Variants in THOC5 observed in about 807,000 individuals in gnomAD.
THOC5 encodes the protein THO complex subunit 5, also known as Fms-interacting protein.
THOC5 carries 43 observed loss-of-function variants against 92.9 expected under a neutral mutation model. That is an observed-to-expected ratio of 0.46 (90% CI 0.36 to 0.60). The LOEUF (loss-of-function observed/expected upper bound fraction) is 0.60. Among genes scored for constraint, THOC5 ranks in the 20% least tolerant of loss-of-function variants. The pLI, the probability that THOC5 is intolerant of heterozygous loss-of-function variation, is 0.00. For synonymous variants in THOC5, 296 were observed against 320.1 expected (o/e 0.92, Z 0.80); for missense variants, 659 against 849.4 (o/e 0.78, Z 2.79).
At chr22:29,526,100 C>G (rs147314691) in intron 11 of THOC5, among the ~76,000 whole-genome samples, 154 bp from the exon 12 acceptor site, 78 of 152,088 alleles carry the variant, frequency 5.1e-4, no homozygotes, top group African/African-American at 1.8e-3. Flanking sequence ...CATTCATACC[C>G]CAAACCTCAG....
At chr22:29,550,803 C>T (rs2064126938) in intron 1 of THOC5, 1 of 152,200 alleles carries the variant, frequency 6.6e-6, no homozygotes, top group South Asian at 2.1e-4. Flanking sequence ...GGGACTGTGG[C>T]TTCAGATGAT....
intron 17 of THOC5, chr22:29,514,124 T>C (rs1014332715): frequency 9.2e-5 from 14 of 152,062 alleles, no homozygotes; most frequent in African/African-American, 2.9e-4. Context: ...CTAATTTTTG[T>C]ATTTTTAGTA....
intron 17 of THOC5, among the ~76,000 whole-genome samples, chr22:29,515,636 G>A (rs1032227376): frequency 4.7e-5 from 7 of 150,072 alleles, no homozygotes; most frequent in Non-Finnish European, 8.9e-5. Flanking sequence ...AGACTGGCCT[G>A]GGCAACAAAG....
At chr22:29,545,219 C>T (rs568853408) in intron 2 of THOC5, 5 of 211,454 alleles carry the variant, frequency 2.4e-5, no homozygotes, top group South Asian at 1.0e-4. Context: ...GAGAATAGCA[C>T]GGGAAAGACT....
intron 11 of THOC5, among the ~76,000 whole-genome samples, chr22:29,526,266 C>T (rs955782325): frequency 2.0e-5 from 3 of 152,318 alleles, no homozygotes; most frequent in African/African-American, 4.8e-5. Flanking sequence ...GGCGCGGTGG[C>T]TCACACCTGT....
chr22:29,546,934 G>A (rs531762052), intron 2 of THOC5, among the ~76,000 whole-genome samples: 34 of 151,248 alleles, frequency 2.2e-4, no homozygotes, highest in Non-Finnish European at 4.3e-4. Flanking sequence ...TCTGCCTCCC[G>A]GGTTCAAGCG....
At chr22:29,548,947 A>T in intron 2 of THOC5, 105 bp downstream of exon 2, 1 of 1,028,860 alleles carries the variant, frequency 9.7e-7, no homozygotes, top group South Asian at 1.6e-5. Flanking sequence ...GCCACCAAAA[A>T]GTTGTACCTG....
At chr22:29,531,082 T>C in intron 8 of THOC5, 1 of 1,147,890 alleles carries the variant, frequency 8.7e-7, no homozygotes, top group South Asian at 1.9e-5. Flanking sequence ...ACTCACCCTG[T>C]CTAGGGGGCT....
rs1395169660 is a variant in THOC5 at position 29,506,450 on chromosome 22, AT to A, written c.*2006del. Reference sequence around the variant, plus strand: ...CACTTTGGGAGGCCGAGGTGGGAGGATCATTTGAGCCCAGGAGTTTGAGACC... The same window carrying A: ...CACTTTGGGAGGCCGAGGTGGGAGGACATTTGAGCCCAGGAGTTTGAGACC... On this transcript the variant is annotated 3_prime_UTR_variant, in exon 20 of 20. Transcript: ENST00000490103. The A allele has an allele frequency of 6.6e-6, 1 of 152,104 alleles. No individual in the cohort carries two copies. Among genetic ancestry groups the A allele is most frequent in the Non-Finnish European group, 1.5e-5 (1 of 68,038 alleles). The allele number at this position is 152,104 out of a possible 1,614,324, so 9.4% of individuals were successfully genotyped here.
chr22:29,519,317 C>T (rs1042968624), intron 14 of THOC5, among the ~76,000 whole-genome samples, 197 bp from the exon 15 acceptor site: 4 of 152,198 alleles, frequency 2.6e-5, no homozygotes, highest in East Asian at 1.9e-4. Context: ...CAATATGCTG[C>T]GTTCTTGAGA....
intron 8 of THOC5, among the ~76,000 whole-genome samples, chr22:29,529,450 T>C (rs903172193): frequency 6.6e-5 from 10 of 152,176 alleles, no homozygotes; most frequent in African/African-American, 1.9e-4. Context: ...ACAGAGAACT[T>C]AAGTACAAAT....
intron 8 of THOC5, chr22:29,531,452 G>A (rs2063653264): frequency 2.9e-6 from 3 of 1,018,442 alleles, no homozygotes; most frequent in South Asian, 8.5e-5. Flanking sequence ...TGGGAGAGCT[G>A]GCTGAGACCT....
chr22:29,539,675 T>C (rs191916546), intron 5 of THOC5, among the ~76,000 whole-genome samples, 199 bp from the exon 6 acceptor site: 2 of 152,338 alleles, frequency 1.3e-5, no homozygotes, highest in South Asian at 2.1e-4. Flanking sequence ...AGGATCCTTA[T>C]CCATGCTGTC....
rs374224776 is a variant in THOC5 at position 29,528,354 on chromosome 22, C to T, written c.966+72G>A. ...ACACCTCTTCTGCTTCTAGGGAGGA[C>T]GGCACCTGCGAACAAGCATGCCCCA... On this transcript the variant is annotated intron_variant, in intron 10 of 19. Transcript: ENST00000490103. The T allele has an allele frequency of 1.9e-3, 3,083 of 1,614,060 alleles. 1 individual carries two copies. The highest frequency in any genetic ancestry group is 2.8e-3 in the African/African-American group (212 of 75,040).
At position 29,539,310 on chromosome 22, in the gene THOC5, C is replaced by G; in HGVS notation, c.599+20G>C. The G allele has an allele frequency of 6.2e-7, 1 of 1,611,492 alleles. No individual in the cohort carries two copies. The highest frequency in any genetic ancestry group is 8.5e-7 in the Non-Finnish European group (1 of 1,178,478). The stretch of plus-strand genomic sequence containing the variant: ...CACTGACACTTTGTGGTTAAAAGGT[C>G]AGGAAGGAGGAAATGCTACCTTTTC... On this transcript the variant is annotated intron_variant, in intron 6 of 19. Coordinates refer to ENST00000490103, the MANE Select transcript of THOC5 (RefSeq NM_003678.5).
chr22:29,517,121 A>G lies in THOC5; in HGVS notation c.1594-5T>C, dbSNP rs746892648. The G allele has an allele frequency of 1.2e-6, 2 of 1,614,124 alleles. No individual in the cohort carries two copies. The highest frequency in any genetic ancestry group is 2.2e-5 in the South Asian group (2 of 91,076). ...GTCTTTGGTGAAGTGCAGCTCCTAG[A>G]AGAGGTACCACAGACAAGAGGTGAA... On this transcript the variant is annotated splice_polypyrimidine_tract_variant and splice_region_variant and intron_variant, in intron 16 of 19. Transcript: ENST00000490103.
At chr22:29,547,144 C>G (rs1443146494) in intron 2 of THOC5, among the ~76,000 whole-genome samples, 1 of 152,040 alleles carries the variant, frequency 6.6e-6, no homozygotes, top group Non-Finnish European at 1.5e-5. Flanking sequence ...GCACATGGCC[C>G]TGTCACCTTT....
At chr22:29,540,346 C>T (rs910261590) in intron 5 of THOC5, among the ~76,000 whole-genome samples, 9 of 152,214 alleles carry the variant, frequency 5.9e-5, no homozygotes, top group African/African-American at 1.2e-4. Context: ...GTAATGATAA[C>T]GGCAGCTATC....
chr22:29,538,800 G>GAAAAAAAAAAAAAAAAAAA (rs1491105374), intron 6 of THOC5, among the ~76,000 whole-genome samples: 1 of 32,988 alleles, frequency 3.0e-5, no homozygotes. Context: ...CCATCTCTTT[G>GAAAAAAAAAAAAAAAAAAA]GAAAAAAAAA....
Sources: allele counts gnomAD v4.1 joint callset (sites outside exome capture counted in the v4.1 genomes callset), GRCh38; gene constraint gnomAD v4.1.1; transcripts MANE v1.5; gene names NCBI Gene and HGNC (gene_info 2026-07-23, HGNC 2026-07-21).